The following CHAF1A variants were observed in gnomAD, a reference collection of about 807,000 sequenced individuals.
CHAF1A encodes the protein chromatin assembly factor 1 subunit A.
Under a neutral mutation model 93.2 loss-of-function variants are expected in CHAF1A, and 5 were observed. The ratio of observed to expected loss-of-function variants is 0.05; its 90% CI spans 0.03 to 0.11. The LOEUF (loss-of-function observed/expected upper bound fraction) is 0.11. Ranked by LOEUF, CHAF1A falls within the 10% of genes least tolerant of loss-of-function variation. The pLI, the probability that CHAF1A is intolerant of heterozygous loss-of-function variation, is 1.00. For missense variants in CHAF1A, 1,102 were observed against 1,259.9 expected (o/e 0.87, Z 1.90); for synonymous variants, 504 against 510.3 (o/e 0.99, Z 0.17).
rs750649023 is a variant in CHAF1A, at chr19:4,443,088, G to A, written c.*63G>A. ...TCCCCACAGAGCAGATACTTGAACCGACTCAATTCCTGTGTAAAGAGCACT... is the reference window on the plus strand; with the variant it reads ...TCCCCACAGAGCAGATACTTGAACCAACTCAATTCCTGTGTAAAGAGCACT... On this transcript the variant is annotated 3_prime_UTR_variant, in exon 15 of 15. Coordinates refer to ENST00000301280, the MANE Select transcript of CHAF1A (RefSeq NM_005483.3). 67 of 1,077,592 alleles carry A rather than the reference G, an allele frequency of 6.2e-5. No homozygotes were observed. The highest frequency in any genetic ancestry group is 8.8e-5 in the Non-Finnish European group (63 of 713,530). The allele number at this position is 1,077,592 out of a possible 1,614,324, so 66.8% of individuals were successfully genotyped here. A position where few individuals can be genotyped will look rare whatever the true frequency, so the allele number is the denominator to read the frequency against.
At chr19:4,436,561 C>T (rs1394122146) in intron 13 of CHAF1A, among the ~76,000 whole-genome samples, 1 of 152,216 alleles carries the variant, frequency 6.6e-6, no homozygotes, top group East Asian at 1.9e-4. Flanking sequence ...CGGAGCTCCC[C>T]AGCCTGAAAA....
rs538482553 is a variant in CHAF1A at position 4,419,825 on chromosome 19, C to T, written c.1017+1749C>T. ...GAGTCCCGCACACCGGGTTGGGGAG[C>T]GGAGAAAGTATCCAACGGCGGCTGA... On this transcript the variant is annotated intron_variant, in intron 4 of 14. Coordinates refer to ENST00000301280, the MANE Select transcript of CHAF1A (RefSeq NM_005483.3). Among the ~76,000 whole-genome samples the T allele has an allele frequency of 1.3e-3, 198 of 152,296 alleles. 3 individuals are homozygous for T. Among genetic ancestry groups the T allele is most frequent in the South Asian group, 2.5e-3 (12 of 4,828 alleles).
chr19:4,442,814 G>A (rs56144809), intron 14 of CHAF1A, 111 bp from the exon 15 acceptor site: 17,303 of 736,082 alleles, frequency 0.024, 255 homozygotes, highest in Non-Finnish European at 0.029. Flanking sequence ...GTCAGGTGGA[G>A]GGTCCCGCCC....
downstream of CHAF1A, chr19:4,447,769 A>C: frequency 1.3e-6 from 1 of 782,734 alleles, no homozygotes; most frequent in East Asian, 2.6e-5. Flanking sequence ...CGAGGGCAGC[A>C]GACCATCTCC....
At chr19:4,434,251 C>T (rs1974241847) in intron 13 of CHAF1A, among the ~76,000 whole-genome samples, 2 of 152,102 alleles carry the variant, frequency 1.3e-5, no homozygotes, top group South Asian at 4.1e-4. Context: ...GAGGCTAAGG[C>T]GGGAGGATTA....
downstream of CHAF1A, chr19:4,446,943 C>G (rs1716162263): frequency 3.7e-6 from 6 of 1,610,042 alleles, no homozygotes; most frequent in East Asian, 1.3e-4. Context: ...ATGGGCGTCA[C>G]TGGGGGCCCC....
intron 7 of CHAF1A, among the ~76,000 whole-genome samples, chr19:4,425,704 T>C (rs1462278456): frequency 6.6e-6 from 1 of 152,220 alleles, no homozygotes; most frequent in Non-Finnish European, 1.5e-5. Flanking sequence ...CATGCTTCTC[T>C]GCACACATGC....
rs1237616290 is a variant in CHAF1A at position 4,430,552 on chromosome 19, G to C, written c.1858G>C (p.Asp620His). Residue 620 changes from aspartate to histidine, a missense_variant, in exon 11 of 15, where the codon GAT (aspartate) becomes CAT (histidine). Physicochemically the swap from Asp to His is moderately conservative, Grantham distance 81 (BLOSUM62 -1). Transcript: ENST00000301280. Reference sequence around the variant, plus strand: ...CTTTTTTTTTTCTCCTTTTGAGGATGATGATGACGACATGGGAGAGGATGA... The same window carrying C: ...CTTTTTTTTTTCTCCTTTTGAGGATCATGATGACGACATGGGAGAGGATGA... ...GESLSHSEGD[D>H]DDDMGEDEDE... 1 of 1,550,122 alleles carries C rather than the reference G, an allele frequency of 6.5e-7. No homozygotes were observed. The highest frequency in any genetic ancestry group is 8.9e-7 in the Non-Finnish European group (1 of 1,121,926).
At chr19:4,411,834 G>C (rs574175710) in intron 3 of CHAF1A, among the ~76,000 whole-genome samples, 5 of 151,532 alleles carry the variant, frequency 3.3e-5, no homozygotes, top group African/African-American at 1.2e-4. Flanking sequence ...CTTTTCAGTA[G>C]AGACGGGTTT....
At position 4,422,962 on chromosome 19, in the gene CHAF1A, G is replaced by A. The variant is rs1001708312; in HGVS notation, c.1247+167G>A. Among the ~76,000 whole-genome samples the A allele has an allele frequency of 5.3e-5, 8 of 152,190 alleles. No homozygotes were observed. The highest frequency in any genetic ancestry group is 1.9e-4 in the African/African-American group (8 of 41,446). On this transcript the variant is annotated intron_variant, in intron 5 of 14. Transcript: ENST00000301280. The surrounding 1 kb of genome is among the most constrained non-coding windows in gnomAD (Gnocchi z 4.6). ...GTGGGGCCCTGACGTGGGAGCGGTG[G>A]AAAGCAGCTCCCTGCTCTTTAGTGC...
At chr19:4,415,473 T>C (rs1261753978) in intron 3 of CHAF1A, among the ~76,000 whole-genome samples, 1 of 152,148 alleles carries the variant, frequency 6.6e-6, no homozygotes, top group Non-Finnish European at 1.5e-5. Context: ...CAAGACCACA[T>C]TCCGTATTAT....
chr19:4,414,441 G>GC (rs1301850666), intron 3 of CHAF1A, among the ~76,000 whole-genome samples: 1 of 151,316 alleles, frequency 6.6e-6, no homozygotes, highest in Non-Finnish European at 1.5e-5. Flanking sequence ...AAACCTTGAA[G>GC]CCCTCTGTTC....
At chr19:4,416,831 C>T (rs376534296) in intron 3 of CHAF1A, among the ~76,000 whole-genome samples, 8 of 152,102 alleles carry the variant, frequency 5.3e-5, no homozygotes, top group African/African-American at 1.7e-4. Flanking sequence ...GTAGAGGTTG[C>T]AGTGAGCCGA....
intron 13 of CHAF1A, among the ~76,000 whole-genome samples, chr19:4,437,164 A>G (rs1974300001): frequency 6.6e-6 from 1 of 151,896 alleles, no homozygotes; most frequent in South Asian, 2.1e-4. Context: ...GAAGGAATGG[A>G]GACCCAGGCC....
At chr19:4,429,896 C>A in intron 10 of CHAF1A, 108 bp downstream of exon 10, 1 of 958,948 alleles carries the variant, frequency 1.0e-6, no homozygotes, top group Non-Finnish European at 1.6e-6. Context: ...TCACTGACAG[C>A]TGGTGTTTGA....
chr19:4,425,029 C>T (rs2145112481), intron 7 of CHAF1A, among the ~76,000 whole-genome samples: 1 of 152,206 alleles, frequency 6.6e-6, no homozygotes, highest in South Asian at 2.1e-4. Flanking sequence ...CAAACCTCGG[C>T]CTCTCAAAGC....
chr19:4,449,626 G>C (rs745970805), downstream of CHAF1A: 2 of 152,170 alleles, frequency 1.3e-5, no homozygotes, highest in Non-Finnish European at 2.9e-5. Flanking sequence ...AGCGGGCCTC[G>C]GGCGTTTTGG....
Position 4,430,536 on chromosome 19 carries a change from T to C in CHAF1A, c.1855-13T>C, listed in dbSNP as rs774311973. ...TTCTATCTGATGAACTCTTTTTTTT[T>C]TCTCCTTTTGAGGATGATGATGACG... On this transcript the variant is annotated splice_polypyrimidine_tract_variant and intron_variant, in intron 10 of 14. Coordinates refer to ENST00000301280, the MANE Select transcript of CHAF1A (RefSeq NM_005483.3). The C allele has an allele frequency of 6.5e-7, 1 of 1,541,982 alleles. No homozygotes were observed. The highest frequency in any genetic ancestry group is 9.0e-7 in the Non-Finnish European group (1 of 1,114,550).
In CHAF1A at chr19:4,423,952, C is replaced by T. The variant is rs186881916; in HGVS notation, c.1377+78C>T. On this transcript the variant is annotated intron_variant, in intron 7 of 14. Coordinates refer to ENST00000301280, the MANE Select transcript of CHAF1A (RefSeq NM_005483.3). ...TTTCTGAAAGTGAAAGGGTCTCTCC[C>T]CAGCCAGCTTCTCTCATTAGGAGGG... The T allele has an allele frequency of 2.9e-6, 4 of 1,372,868 alleles. No individual in the cohort carries two copies. In the African/African-American group the frequency reaches 5.7e-5, roughly 20 times the overall value. The allele number at this position is 1,372,868 out of a possible 1,614,324, so 85.0% of individuals were successfully genotyped here.
Sources: gnomAD v4.1 joint callset for allele counts (sites outside exome capture counted in the v4.1 genomes callset) on GRCh38, gnomAD v4.1.1 for gene constraint, Gnocchi (gnomAD v3.1) non-coding constraint, MANE v1.5 for transcripts, NCBI Gene and HGNC (gene_info 2026-07-23, HGNC 2026-07-21) for gene names.